The following GLIS3 variants were observed in gnomAD, a reference collection of about 807,000 sequenced individuals.
GLIS3 encodes the protein GLIS family zinc finger 3, also known as zinc finger protein GLIS3.
Under a neutral mutation model 78.6 loss-of-function variants are expected in GLIS3, and 53 were observed. That is an observed-to-expected ratio of 0.67 (90% CI 0.54 to 0.85). GLIS3 has a LOEUF of 0.85. Ranked by LOEUF, GLIS3 falls within the 40% of genes least tolerant of loss-of-function variation. The pLI is 0.00. For synonymous variants in GLIS3, 684 were observed against 509.9 expected (o/e 1.34, Z -4.60); for missense variants, 1,703 against 1,231.1 (o/e 1.38, Z -5.74).
Position 4,126,384 on chromosome 9 carries a change from C to T in GLIS3, c.389-443G>A, listed in dbSNP as rs943713528. ...TTACTTCATTCCAAATCTGTACTTC[C>T]AAAAAGTCCCTTCACAAGGATGTAG... On this transcript the variant is annotated intron_variant, in intron 2 of 10. Coordinates refer to ENST00000381971, the MANE Select transcript of GLIS3 (RefSeq NM_001042413.2). Among the ~76,000 whole-genome samples the T allele has an allele frequency of 2.6e-5, 4 of 152,144 alleles. No individual in the cohort carries two copies. In the East Asian group the frequency reaches 7.7e-4, roughly 29 times the overall value.
chr9:3,835,136 G>C (rs1818273858), intron 9 of GLIS3, among the ~76,000 whole-genome samples: 1 of 152,188 alleles, frequency 6.6e-6, no homozygotes, highest in Non-Finnish European at 1.5e-5. Flanking sequence ...TTATGCAGCA[G>C]ATGGCCTTGC....
At chr9:4,451,393 A>G in the GLIS3 span, among the ~76,000 whole-genome samples, 1 of 152,156 alleles carries the variant, frequency 6.6e-6, no homozygotes, top group Non-Finnish European at 1.5e-5. Context: ...CCCACACAAT[A>G]ATAATGGGGG....
intron 6 of GLIS3, among the ~76,000 whole-genome samples, chr9:3,918,426 T>C (rs996446478): frequency 1.5e-4 from 23 of 152,216 alleles, no homozygotes; most frequent in Non-Finnish European, 3.1e-4. Context: ...AGCATGCTTA[T>C]GTCTATTATA....
At chr9:4,212,684 T>A (rs1820478660) in intron 2 of GLIS3, among the ~76,000 whole-genome samples, 1 of 152,150 alleles carries the variant, frequency 6.6e-6, no homozygotes, top group Non-Finnish European at 1.5e-5. Context: ...AAAAGAGTTT[T>A]CCATGCAGAG....
intron 1 of GLIS3, among the ~76,000 whole-genome samples, chr9:4,294,316 C>G (rs1816287744): frequency 6.6e-6 from 1 of 152,182 alleles, no homozygotes; most frequent in Non-Finnish European, 1.5e-5. Flanking sequence ...CGAGACCAGT[C>G]TGACTAACAC....
At chr9:4,030,248 T>C (rs1293791478) in intron 4 of GLIS3, among the ~76,000 whole-genome samples, 1 of 152,234 alleles carries the variant, frequency 6.6e-6, no homozygotes, top group Non-Finnish European at 1.5e-5. Flanking sequence ...ATGTCTTCTT[T>C]TGAGAACTGT....
Position 4,012,765 on chromosome 9 carries a change from CTTTTTTT to C in GLIS3, c.1711-75583_1711-75577del, listed in dbSNP as rs71324278. Among the ~76,000 whole-genome samples, 109 of 66,506 alleles carry C rather than the reference CTTTTTTT, an allele frequency of 1.6e-3. 1 individual carries two copies. The highest frequency in any genetic ancestry group is 3.1e-3 in the Admixed American group (14 of 4,464). 43.6% of individuals were successfully genotyped at this position (66,506 alleles called of 152,430 possible). ...TCTCTGGTTTCTTTTTTTTCTTTTTCTTTTTTTTTTTTTTTTTTTTTTTTGAGACAGT... is the reference window on the plus strand; with the variant it reads ...TCTCTGGTTTCTTTTTTTTCTTTTTCTTTTTTTTTTTTTTTTTGAGACAGT... On this transcript the variant is annotated intron_variant, in intron 4 of 10. Coordinates refer to ENST00000381971, the MANE Select transcript of GLIS3 (RefSeq NM_001042413.2).
rs1001763290 is a variant in GLIS3, at chr9:3,887,040, T to A, written c.2129-7445A>T. On this transcript the variant is annotated intron_variant, in intron 7 of 10. Transcript: ENST00000381971. Reference sequence around the variant, plus strand: ...AGTAGCTTCTTAAGGGTTGGCACAGTCATCTCTCTAATCTTTCCCTTCTCC... The same window carrying A: ...AGTAGCTTCTTAAGGGTTGGCACAGACATCTCTCTAATCTTTCCCTTCTCC... 3.3e-5 allele frequency among the ~76,000 whole-genome samples: 5 copies of A among 152,214 alleles called. No individual in the cohort carries two copies. In the East Asian group the frequency reaches 9.6e-4, roughly 29 times the overall value.
intron 2 of GLIS3, among the ~76,000 whole-genome samples, chr9:4,329,190 C>T (rs946195402): frequency 8.5e-5 from 13 of 152,166 alleles, no homozygotes; most frequent in Non-Finnish European, 1.5e-4. Flanking sequence ...GAACCAAAAG[C>T]TCTCTGAAGC....
intron 2 of GLIS3, among the ~76,000 whole-genome samples, chr9:4,317,215 G>A (rs1309635118): frequency 6.6e-6 from 1 of 152,186 alleles, no homozygotes; most frequent in Non-Finnish European, 1.5e-5. Context: ...TCAGAAATGA[G>A]GTGGAGATCA....
intron 5 of GLIS3, chr9:3,933,065 T>G (rs1234421319): frequency 4.6e-6 from 1 of 219,096 alleles, no homozygotes; most frequent in Non-Finnish European, 9.4e-6. Context: ...GTGTTGAGCC[T>G]GAGTTAAGTG....
At chr9:4,451,187 G>T in the GLIS3 span, among the ~76,000 whole-genome samples, 1 of 152,124 alleles carries the variant, frequency 6.6e-6, no homozygotes, top group Non-Finnish European at 1.5e-5. Context: ...AAAAAAAGCA[G>T]GGGTTGCAAT....
chr9:4,343,762 C>T (rs1397299303), intron 2 of GLIS3, among the ~76,000 whole-genome samples: 2 of 152,182 alleles, frequency 1.3e-5, no homozygotes, highest in African/African-American at 2.4e-5. Context: ...TTGTCCTTTG[C>T]AGCAACATGG....
intron 8 of GLIS3, among the ~76,000 whole-genome samples, chr9:3,860,853 G>T (rs977656261): frequency 5.9e-5 from 9 of 152,322 alleles, no homozygotes; most frequent in African/African-American, 2.2e-4. Context: ...CTAAGCACTA[G>T]GGATAGAGCA....
the GLIS3 span, among the ~76,000 whole-genome samples, chr9:4,381,202 G>A: frequency 6.6e-5 from 10 of 152,232 alleles, no homozygotes; most frequent in African/African-American, 2.4e-4. Flanking sequence ...ATTTGGTGGT[G>A]GGGAAATAAA....
intron 4 of GLIS3, among the ~76,000 whole-genome samples, chr9:4,088,224 G>A (rs942700601): frequency 1.3e-5 from 2 of 152,202 alleles, no homozygotes; most frequent in African/African-American, 2.4e-5. Flanking sequence ...CGGGGCACCT[G>A]CCACACTTAA....
chr9:4,357,213 A>G, the GLIS3 span, among the ~76,000 whole-genome samples: 1 of 152,202 alleles, frequency 6.6e-6, no homozygotes, highest in South Asian at 2.1e-4. Context: ...GTTTGGTTAA[A>G]CTTTATTCTG....
rs369350879 is a variant in GLIS3 at position 4,026,063 on chromosome 9, A to C, written c.1711-88874T>G. ...TTTGAGTCTAATCATAATCCCTACA[A>C]CATTAACATTATTAATTATAAATAG... On this transcript the variant is annotated intron_variant, in intron 4 of 10. Transcript: ENST00000381971. Among the ~76,000 whole-genome samples the C allele has an allele frequency of 1.8e-4, 28 of 152,312 alleles. No individual in the cohort carries two copies. The South Asian group carries it at 5.6e-3, about 30-fold the overall frequency.
intron 4 of GLIS3, among the ~76,000 whole-genome samples, chr9:4,030,174 G>A (rs927851648): frequency 1.3e-5 from 2 of 152,102 alleles, no homozygotes; most frequent in Non-Finnish European, 2.9e-5. Flanking sequence ...TCGTAGTTTT[G>A]ATTTGCATTT....
Sources: gnomAD v4.1 joint callset for allele counts (sites outside exome capture counted in the v4.1 genomes callset) on GRCh38, gnomAD v4.1.1 for gene constraint, MANE v1.5 for transcripts, NCBI Gene and HGNC (gene_info 2026-07-23, HGNC 2026-07-21) for gene names.